SLC75A1: variants seen among roughly 807,000 people sequenced by gnomAD.
SLC75A1 encodes the protein solute carrier family 75 member 1, also known as major facilitator superfamily domain containing 10.
chr4:2,931,696 G>A, the SLC75A1 span: 3 of 1,593,162 alleles, frequency 1.9e-6, no homozygotes, highest in Admixed American at 1.7e-5. Context: ...AGGGCACCCG[G>A]GGCAGGGCCA....
the SLC75A1 span, chr4:2,931,899 G>C: frequency 6.2e-7 from 1 of 1,611,476 alleles, no homozygotes; most frequent in Non-Finnish European, 8.5e-7. Flanking sequence ...AGAGGTAGAG[G>C]AAGTAGACTA....
the SLC75A1 span, chr4:2,931,085 C>CGGCCCT: frequency 6.3e-7 from 1 of 1,597,680 alleles, no homozygotes; most frequent in Non-Finnish European, 8.5e-7. Flanking sequence ...AGGGGCCCCG[C>CGGCCCT]GGCCCTGGCC....
chr4:2,932,973 T>G, the SLC75A1 span: 1 of 1,029,728 alleles, frequency 9.7e-7, no homozygotes, highest in Non-Finnish European at 1.4e-6. Flanking sequence ...GAGAACCCCC[T>G]CCAGGATGCG....
At chr4:2,933,070 A>C in the SLC75A1 span, 4 of 1,591,668 alleles carry the variant, frequency 2.5e-6, no homozygotes, top group Non-Finnish European at 3.4e-6. Context: ...GGGTGGGAGG[A>C]GGCTTCCCCA....
chr4:2,932,340 C>T, the SLC75A1 span: 1,714 of 1,610,610 alleles, frequency 1.1e-3, 11 homozygotes, highest in African/African-American at 0.019. Flanking sequence ...GGTCCCAGAC[C>T]ACAGCCCTAC....
chr4:2,931,797 A>G, the SLC75A1 span: 5 of 1,567,146 alleles, frequency 3.2e-6, no homozygotes, highest in Non-Finnish European at 4.3e-6. Flanking sequence ...TCAGGGAGAC[A>G]GCAGGCCGTC....
At chr4:2,932,561 TCAC>T in the SLC75A1 span, 1 of 1,611,924 alleles carries the variant, frequency 6.2e-7, no homozygotes, top group South Asian at 1.1e-5. Context: ...GGCCCAGAAG[TCAC>T]CACCAGGACC....
At chr4:2,932,280 G>C in the SLC75A1 span, 6 of 1,534,588 alleles carry the variant, frequency 3.9e-6, no homozygotes, top group Non-Finnish European at 5.3e-6. Context: ...CTGGCACACA[G>C]GGGCACTTTA....
At chr4:2,931,515 A>G in the SLC75A1 span, 13 of 1,595,890 alleles carry the variant, frequency 8.1e-6, no homozygotes, top group Non-Finnish European at 1.1e-5. Flanking sequence ...TGCAGGACTC[A>G]GGGGACTGCC....
At chr4:2,931,833 C>T in the SLC75A1 span, 4 of 1,601,914 alleles carry the variant, frequency 2.5e-6, no homozygotes, top group Non-Finnish European at 3.4e-6. Flanking sequence ...ACCTACTGAA[C>T]TGGAAGCGCT....
At chr4:2,932,082 C>G in the SLC75A1 span, 2 of 1,611,036 alleles carry the variant, frequency 1.2e-6, no homozygotes, top group Middle Eastern at 1.6e-4. Flanking sequence ...GAGCGACAGC[C>G]GAGAAGCGCA....
chr4:2,932,718 C>G, the SLC75A1 span: 10 of 1,597,288 alleles, frequency 6.3e-6, no homozygotes, highest in South Asian at 9.1e-5. Context: ...CGCAAAGCTC[C>G]GAGAGGTGGC....
chr4:2,931,964 G>A, the SLC75A1 span: 12,584 of 1,602,462 alleles, frequency 7.9e-3, 64 homozygotes, highest in Non-Finnish European at 9.6e-3. Flanking sequence ...GTGCTGAGAA[G>A]GCGACCACAG....
the SLC75A1 span, chr4:2,931,041 G>A: frequency 2.5e-6 from 4 of 1,609,116 alleles, no homozygotes; most frequent in Non-Finnish European, 3.4e-6. Flanking sequence ...GCCTGCCCCA[G>A]CACCATCCCG....
chr4:2,931,699 C>T, the SLC75A1 span: 5 of 1,582,180 alleles, frequency 3.2e-6, no homozygotes, highest in East Asian at 9.1e-5. Flanking sequence ...GCACCCGGGG[C>T]AGGGCCACCC....
chr4:2,933,282 T>C, the SLC75A1 span: 3 of 1,415,198 alleles, frequency 2.1e-6, no homozygotes, highest in Non-Finnish European at 3.0e-6. Context: ...TCAAGGCCAA[T>C]GTCCAGCCCC....
the SLC75A1 span, chr4:2,931,213 G>A: frequency 6.4e-6 from 10 of 1,562,088 alleles, no homozygotes; most frequent in Admixed American, 3.8e-5. Context: ...TTCGGCCGAG[G>A]GAAGGGGGCT....
the SLC75A1 span, chr4:2,931,006 G>A: frequency 4.3e-6 from 7 of 1,611,924 alleles, no homozygotes; most frequent in Non-Finnish European, 5.1e-6. Flanking sequence ...GCACTTGGGA[G>A]GCGAGGGCAG....
the SLC75A1 span, chr4:2,930,804 G>A: frequency 2.4e-5 from 38 of 1,609,286 alleles, 1 homozygote; most frequent in Non-Finnish European, 3.2e-5. Context: ...CTCCCACTCT[G>A]CCTGGTGCCC....
Sources: allele counts gnomAD v4.1 joint callset, GRCh38; gene constraint gnomAD v4.1.1; transcripts MANE v1.5; gene names NCBI Gene and HGNC (gene_info 2026-07-23, HGNC 2026-07-21).